Variants in PKNOX1 observed in about 807,000 individuals in gnomAD.
The protein encoded by PKNOX1 is PBX/knotted 1 homeobox 1.
Under a neutral mutation model 51.9 loss-of-function variants are expected in PKNOX1, and 15 were observed. The ratio of observed to expected loss-of-function variants is 0.29; its 90% CI spans 0.19 to 0.45. The LOEUF is 0.45. PKNOX1 is among the 20% of genes least tolerant of loss of function. PKNOX1 has a pLI of 1.00. For missense variants in PKNOX1, 462 were observed against 547.5 expected (o/e 0.84, Z 1.56); for synonymous variants, 219 against 211.1 (o/e 1.04, Z -0.32).
chr21:43,004,755 G>A (rs906139677), intron 2 of PKNOX1, among the ~76,000 whole-genome samples: 9 of 152,154 alleles, frequency 5.9e-5, no homozygotes, highest in African/African-American at 2.2e-4. Flanking sequence ...AGATTCCCAT[G>A]TTGACTGGTG....
chr21:43,004,484 A>G, intron 2 of PKNOX1, 52 bp downstream of exon 2: 1 of 1,198,240 alleles, frequency 8.3e-7, no homozygotes, highest in Non-Finnish European at 1.2e-6. Context: ...CTGGCACTCA[A>G]GCATGAACAT....
chr21:42,990,207 C>T (rs779422561), intron 1 of PKNOX1, among the ~76,000 whole-genome samples: 1 of 151,628 alleles, frequency 6.6e-6, no homozygotes, highest in Non-Finnish European at 1.5e-5. Context: ...TGCAGTGAGC[C>T]GAGATCACAC....
chr21:42,990,821 G>A (rs1057335984), intron 1 of PKNOX1, among the ~76,000 whole-genome samples: 1 of 152,168 alleles, frequency 6.6e-6, no homozygotes, highest in Non-Finnish European at 1.5e-5. Flanking sequence ...TGAGCTAAAC[G>A]CAATGAACTG....
chr21:43,019,510 G>A (rs946605422), intron 7 of PKNOX1, among the ~76,000 whole-genome samples: 2 of 151,930 alleles, frequency 1.3e-5, no homozygotes, highest in East Asian at 1.9e-4. Flanking sequence ...AGAATTCTGG[G>A]TTGAAAATCC....
At chr21:43,004,568 A>C (rs1978907072) in intron 2 of PKNOX1, 136 bp downstream of exon 2, 2 of 582,582 alleles carry the variant, frequency 3.4e-6, no homozygotes, top group Non-Finnish European at 3.0e-6. Context: ...TTTATTGTAC[A>C]TTCGTGTTCA....
chr21:43,016,827 T>C, intron 5 of PKNOX1, 81 bp from the exon 6 acceptor site: 1 of 838,260 alleles, frequency 1.2e-6, no homozygotes, highest in Non-Finnish European at 1.9e-6. Flanking sequence ...AATGGTGTCA[T>C]TATGCTACTT....
Position 43,005,617 on chromosome 21 carries a change from C to T in PKNOX1, c.51+1185C>T, listed in dbSNP as rs555783090. 4.6e-5 allele frequency among the ~76,000 whole-genome samples: 7 copies of T among 151,790 alleles called. 1 individual carries two copies. The highest frequency in any genetic ancestry group is 1.7e-4 in the African/African-American group (7 of 41,380). Reference sequence around the variant, plus strand: ...GCTCCCTGTGGATTCCTGTGGGTTTCATGCAAAGACTGAGCTGCTCTGTGG... The same window carrying T: ...GCTCCCTGTGGATTCCTGTGGGTTTTATGCAAAGACTGAGCTGCTCTGTGG... On this transcript the variant is annotated intron_variant, in intron 2 of 10. Transcript: ENST00000291547.
intron 2 of PKNOX1, among the ~76,000 whole-genome samples, chr21:43,005,785 T>C (rs976294260): frequency 6.6e-6 from 1 of 152,030 alleles, no homozygotes; most frequent in Non-Finnish European, 1.5e-5. Context: ...AGGTCTTTGC[T>C]CCGACCCCAC....
intron 9 of PKNOX1, 98 bp downstream of exon 9, chr21:43,025,045 G>T: frequency 5.2e-6 from 4 of 772,694 alleles, no homozygotes; most frequent in Non-Finnish European, 8.8e-6. Flanking sequence ...AAAATAGGAG[G>T]TCTCTCTTTT....
chr21:43,004,326 A>G lies in PKNOX1; in HGVS notation c.-56A>G, dbSNP rs1014473579. On this transcript the variant is annotated splice_region_variant and 5_prime_UTR_variant, in exon 2 of 11. Coordinates refer to ENST00000291547, the MANE Select transcript of PKNOX1 (RefSeq NM_004571.5). ...ATGCTTTTCTGGTTTTGTTCTCCAG[A>G]CACCATTCGCTTTTCACCCAAGATG... The G allele has an allele frequency of 1.1e-5, 13 of 1,155,604 alleles. No individual in the cohort carries two copies. Among genetic ancestry groups the G allele is most frequent in the Admixed American group, 1.7e-5 (1 of 59,032 alleles). The allele number at this position is 1,155,604 out of a possible 1,614,324, so 71.6% of individuals were successfully genotyped here.
chr21:42,989,187 G>A (rs955803043), intron 1 of PKNOX1, among the ~76,000 whole-genome samples: 7 of 151,488 alleles, frequency 4.6e-5, no homozygotes, highest in African/African-American at 7.3e-5. Context: ...GTCTCACTAT[G>A]TTGCTGGTTT....
At chr21:43,006,942 A>C (rs564263143) in intron 2 of PKNOX1, among the ~76,000 whole-genome samples, 5 of 152,310 alleles carry the variant, frequency 3.3e-5, no homozygotes, top group African/African-American at 7.2e-5. Flanking sequence ...TGCTTGTTTA[A>C]AGCAGTTTAA....
At chr21:43,011,507 G>A (rs1045524903) in intron 4 of PKNOX1, among the ~76,000 whole-genome samples, 4 of 152,148 alleles carry the variant, frequency 2.6e-5, no homozygotes, top group Non-Finnish European at 5.9e-5. Context: ...CTCTGAATGA[G>A]CTGCACCTGA....
chr21:42,984,974 C>CTTTTTTTTTTTTTTTTTTTTTTTTTTT (rs71195904), intron 1 of PKNOX1, among the ~76,000 whole-genome samples: 1 of 57,998 alleles, frequency 1.7e-5, no homozygotes, highest in African/African-American at 7.1e-5. Context: ...ATTTTCTTTT[C>CTTTTTTTTTTTTTTTTTTTTTTTTTTT]TTTTTTTTTT....
intron 3 of PKNOX1, among the ~76,000 whole-genome samples, chr21:43,008,443 G>C (rs1426932431): frequency 2.0e-5 from 3 of 152,128 alleles, no homozygotes; most frequent in Non-Finnish European, 4.4e-5. Flanking sequence ...AATACGTAGC[G>C]ACCAAGTCAA....
At chr21:42,992,402 G>A (rs994477893) in intron 1 of PKNOX1, among the ~76,000 whole-genome samples, 8 of 152,114 alleles carry the variant, frequency 5.3e-5, no homozygotes, top group East Asian at 1.9e-4. Flanking sequence ...ACCTATCTGC[G>A]TCTTCTAGAG....
In PKNOX1 at chr21:43,031,681, A is replaced by G. The variant is rs1346807247; in HGVS notation, c.*1580A>G. ...TCTTCAGTTCTTGAGAGTCAACAGT[A>G]ATGATTGGTTGTAAGCCAAGGGACA... On this transcript the variant is annotated 3_prime_UTR_variant, in exon 11 of 11. Transcript: ENST00000291547. 1 of 154,842 alleles carries G rather than the reference A, an allele frequency of 6.5e-6. No homozygotes were observed. Among genetic ancestry groups the G allele is most frequent in the Admixed American group, 6.3e-5 (1 of 15,814 alleles). The allele number at this position is 154,842 out of a possible 1,614,324, so 9.6% of individuals were successfully genotyped here.
intron 9 of PKNOX1, among the ~76,000 whole-genome samples, chr21:43,028,192 A>G (rs1163216381): frequency 1.3e-5 from 2 of 152,152 alleles, no homozygotes; most frequent in African/African-American, 4.8e-5. Context: ...TTGTGGTGAA[A>G]CAAGAGGAGG....
At chr21:42,984,057 C>T (rs968027771) in intron 1 of PKNOX1, among the ~76,000 whole-genome samples, 15 of 143,532 alleles carry the variant, frequency 1.0e-4, no homozygotes, top group Middle Eastern at 6.9e-3. Context: ...GGGTTTCTTA[C>T]ATGCATACGT....
Sources: allele counts gnomAD v4.1 joint callset (sites outside exome capture counted in the v4.1 genomes callset), GRCh38; gene constraint gnomAD v4.1.1; transcripts MANE v1.5; gene names NCBI Gene and HGNC (gene_info 2026-07-23, HGNC 2026-07-21).